The following TCF12 variants were observed in gnomAD, a reference collection of about 807,000 sequenced individuals.
TCF12 encodes transcription factor 12.
A neutral mutation model predicts 86.0 loss-of-function variants in TCF12; 45 were observed. The observed-to-expected ratio is 0.52, with a 90% confidence interval of 0.41 to 0.67. TCF12 has a LOEUF of 0.67. Ranked by LOEUF, TCF12 falls within the 30% of genes least tolerant of loss-of-function variation. The pLI, the probability that TCF12 is intolerant of heterozygous loss-of-function variation, is 0.00. For missense variants in TCF12, 881 were observed against 859.9 expected (o/e 1.02, Z -0.31); for synonymous variants, 330 against 299.6 (o/e 1.10, Z -1.05).
At chr15:57,000,319 C>T (rs1378394659) in intron 3 of TCF12, among the ~76,000 whole-genome samples, 13 of 150,520 alleles carry the variant, frequency 8.6e-5, no homozygotes, top group Admixed American at 8.6e-4. Flanking sequence ...GGATTACAGG[C>T]ATGAGCCACT....
chr15:56,955,145 G>A (rs1352545347), intron 3 of TCF12, among the ~76,000 whole-genome samples: 2 of 152,180 alleles, frequency 1.3e-5, no homozygotes, highest in Admixed American at 6.6e-5. Context: ...ATACTTGGAA[G>A]CAATCCAGAT....
chr15:57,044,901 G>T (rs1156905637), intron 3 of TCF12, among the ~76,000 whole-genome samples: 4 of 152,120 alleles, frequency 2.6e-5, no homozygotes, highest in African/African-American at 9.7e-5. Context: ...GATCGTTTGT[G>T]GTACTGATGA....
intron 3 of TCF12, among the ~76,000 whole-genome samples, chr15:57,019,895 C>G (rs2065372468): frequency 6.6e-6 from 1 of 151,766 alleles, no homozygotes; most frequent in Admixed American, 6.6e-5. Context: ...ATTTTCATTC[C>G]CTGAGCAAGG....
upstream of TCF12, chr15:56,918,553 C>A: frequency 7.4e-6 from 2 of 269,574 alleles, no homozygotes; most frequent in Non-Finnish European, 1.5e-5. Flanking sequence ...CTCCCCGCCC[C>A]CTCTGCCGGC....
At chr15:57,072,686 A>T (rs1416611147) in intron 4 of TCF12, 1 of 1,307,984 alleles carries the variant, frequency 7.6e-7, no homozygotes, top group South Asian at 1.2e-5. Context: ...TTAAATAGCA[A>T]AGCAAGACAG....
intron 8 of TCF12, among the ~76,000 whole-genome samples, chr15:57,222,624 CCTT>C (rs1214420869): frequency 6.6e-6 from 1 of 151,564 alleles, no homozygotes; most frequent in Non-Finnish European, 1.5e-5. Flanking sequence ...TTCTGAGGTT[CCTT>C]CTTTATAAAG....
Position 57,135,565 on chromosome 15 carries a change from T to C in TCF12, c.326-30837T>C, listed in dbSNP as rs191889789. Among the ~76,000 whole-genome samples the C allele has an allele frequency of 3.9e-5, 6 of 152,318 alleles. No homozygotes were observed. In the East Asian group the frequency reaches 1.2e-3, roughly 29 times the overall value. ...TGATCAAGCAGTGTCAATTATGAAA[T>C]TATTTTAGTAATGCTTATTAAATAG... On this transcript the variant is annotated intron_variant, in intron 5 of 20. Transcript: ENST00000333725.
At chr15:57,108,280 G>A (rs1285001220) in intron 5 of TCF12, among the ~76,000 whole-genome samples, 1 of 152,052 alleles carries the variant, frequency 6.6e-6, no homozygotes, top group East Asian at 1.9e-4. Flanking sequence ...TAATTCTTTG[G>A]TGATAAAATT....
intron 5 of TCF12, among the ~76,000 whole-genome samples, chr15:57,100,666 G>A (rs1354245246): frequency 6.6e-6 from 1 of 152,018 alleles, no homozygotes; most frequent in Non-Finnish European, 1.5e-5. Context: ...TCTCATAGAT[G>A]TTTGAACTGG....
chr15:57,236,893 A>G (rs1169127258), intron 12 of TCF12, among the ~76,000 whole-genome samples: 1 of 152,048 alleles, frequency 6.6e-6, no homozygotes, highest in Non-Finnish European at 1.5e-5. Flanking sequence ...AAATCTGGGT[A>G]TTCGTGCCAT....
chr15:57,029,225 C>G (rs1664519055), intron 3 of TCF12, among the ~76,000 whole-genome samples: 1 of 152,100 alleles, frequency 6.6e-6, no homozygotes, highest in Non-Finnish European at 1.5e-5. Context: ...TTGAGACTAT[C>G]ATGTCTTCAT....
chr15:57,033,094 TAA>T (rs1282944734), intron 3 of TCF12, among the ~76,000 whole-genome samples: 3 of 151,878 alleles, frequency 2.0e-5, no homozygotes, highest in Non-Finnish European at 4.4e-5. Context: ...AAAGAGTGAA[TAA>T]AGATAGGTCA....
At chr15:57,070,404 G>T (rs985028765) in intron 4 of TCF12, among the ~76,000 whole-genome samples, 1 of 152,134 alleles carries the variant, frequency 6.6e-6, no homozygotes, top group African/African-American at 2.4e-5. Context: ...TGGGTACAAG[G>T]ATTTAAGTAT....
intron 3 of TCF12, among the ~76,000 whole-genome samples, chr15:56,976,965 T>C (rs1226413398): frequency 2.0e-5 from 3 of 152,138 alleles, no homozygotes; most frequent in Non-Finnish European, 4.4e-5. Flanking sequence ...TAGATCCTCA[T>C]TTGCACTAGC....
chr15:57,270,237 T>G (rs1399279343), intron 18 of TCF12, among the ~76,000 whole-genome samples: 1 of 152,258 alleles, frequency 6.6e-6, no homozygotes, highest in Admixed American at 6.5e-5. Context: ...CCCATATTTC[T>G]TGGAGGCTTT....
At chr15:57,224,390 A>T (rs1301015059) in intron 8 of TCF12, among the ~76,000 whole-genome samples, 4 of 152,160 alleles carry the variant, frequency 2.6e-5, no homozygotes, top group Admixed American at 1.3e-4. Context: ...AAAATCAGTA[A>T]TATGCCCAGT....
At chr15:57,192,367 G>T in intron 7 of TCF12, 74 bp downstream of exon 7, 3 of 1,530,406 alleles carry the variant, frequency 2.0e-6, no homozygotes, top group South Asian at 1.3e-5. Context: ...CTGTACTTCT[G>T]GCTATGCTTT....
chr15:57,139,739 A>G (rs2151395675), intron 5 of TCF12, among the ~76,000 whole-genome samples: 1 of 152,340 alleles, frequency 6.6e-6, no homozygotes, highest in Admixed American at 6.5e-5. Context: ...GGGGCTAGGA[A>G]TATTAAAGCA....
At chr15:57,153,818 T>A (rs2151472095) in intron 5 of TCF12, among the ~76,000 whole-genome samples, 1 of 151,640 alleles carries the variant, frequency 6.6e-6, no homozygotes, top group Non-Finnish European at 1.5e-5. Context: ...GGGCAGGAGT[T>A]CCAGACCAGC....
Sources: allele counts gnomAD v4.1 joint callset (sites outside exome capture counted in the v4.1 genomes callset), GRCh38; gene constraint gnomAD v4.1.1; transcripts MANE v1.5; gene names NCBI Gene and HGNC (gene_info 2026-07-23, HGNC 2026-07-21).